The following HS6ST3 variants were observed in gnomAD, a reference collection of about 807,000 sequenced individuals.
HS6ST3 encodes heparan-sulfate 6-O-sulfotransferase 3.
In HS6ST3, 12 loss-of-function variants were observed where a neutral mutation model predicts 36.7. The observed-to-expected ratio is 0.33, with a 90% CI of 0.21 to 0.53. The LOEUF (loss-of-function observed/expected upper bound fraction) is 0.53, where lower values mean the gene tolerates loss of function less well. Among genes scored for constraint, HS6ST3 ranks in the 20% least tolerant of loss-of-function variants. The probability of loss-of-function intolerance (pLI) is 0.95; values close to 1 mark genes in which losing one functional copy is unlikely to be tolerated. For synonymous variants in HS6ST3, 240 were observed against 257.5 expected (o/e 0.93, Z 0.65); for missense variants, 584 against 640.9 (o/e 0.91, Z 0.96).
chr13:96,653,567 C>A (rs1230704974), intron 1 of HS6ST3, among the ~76,000 whole-genome samples: 2 of 152,164 alleles, frequency 1.3e-5, no homozygotes, highest in African/African-American at 2.4e-5. Context: ...GCATAGCAAT[C>A]CATGGTGTAT....
At chr13:96,530,115 T>C (rs773474326) in intron 1 of HS6ST3, among the ~76,000 whole-genome samples, 44 of 152,210 alleles carry the variant, frequency 2.9e-4, no homozygotes, top group Admixed American at 9.2e-4. Context: ...AAATCATTGC[T>C]ACTTAGAATA....
rs1875583527 is a variant in HS6ST3, at chr13:96,712,436, G to A, written c.708-120054G>A. Among the ~76,000 whole-genome samples, 3 of 152,120 alleles carry A rather than the reference G, an allele frequency of 2.0e-5. No homozygotes were observed. In the South Asian group the frequency reaches 6.2e-4, roughly 32 times the overall value. ...CATGGTGATAGAATTTGTTAGATTG[G>A]AATTTTGTATGAACACAGTGAGATC... is the stretch of plus-strand genomic sequence containing the variant. On this transcript the variant is annotated intron_variant, in intron 1 of 1. Transcript: ENST00000376705.
chr13:96,240,679 C>T (rs1451734315), intron 1 of HS6ST3, among the ~76,000 whole-genome samples: 1 of 152,114 alleles, frequency 6.6e-6, no homozygotes, highest in Non-Finnish European at 1.5e-5. Context: ...AGGAGATGAA[C>T]TAAGAAGACA....
intron 1 of HS6ST3, among the ~76,000 whole-genome samples, chr13:96,669,881 A>G (rs2056677367): frequency 6.6e-6 from 1 of 152,112 alleles, no homozygotes; most frequent in South Asian, 2.1e-4. Context: ...GGTTTTGAGG[A>G]AGAAGAGGAA....
intron 1 of HS6ST3, among the ~76,000 whole-genome samples, chr13:96,287,741 C>G (rs2054810433): frequency 6.6e-6 from 1 of 152,042 alleles, no homozygotes; most frequent in African/African-American, 2.4e-5. Context: ...TTGTATTAGT[C>G]TTCCTTCTTA....
At chr13:96,754,468 C>T (rs1422762144) in intron 1 of HS6ST3, among the ~76,000 whole-genome samples, 1 of 152,148 alleles carries the variant, frequency 6.6e-6, no homozygotes, top group Non-Finnish European at 1.5e-5. Context: ...CGCTAATTAT[C>T]CTTTCTTACA....
At chr13:96,816,971 C>T (rs1878434154) in intron 1 of HS6ST3, among the ~76,000 whole-genome samples, 1 of 152,056 alleles carries the variant, frequency 6.6e-6, no homozygotes, top group South Asian at 2.1e-4. Context: ...GAGATTCTAC[C>T]CCTATCTACT....
intron 1 of HS6ST3, among the ~76,000 whole-genome samples, chr13:96,785,492 C>T (rs765161131): frequency 2.6e-5 from 4 of 152,178 alleles, no homozygotes; most frequent in Admixed American, 6.5e-5. Flanking sequence ...AGCCATTTCA[C>T]GTGGTTCAAC....
intron 1 of HS6ST3, among the ~76,000 whole-genome samples, chr13:96,271,381 G>A (rs1034109901): frequency 5.9e-5 from 9 of 151,758 alleles, no homozygotes; most frequent in East Asian, 1.9e-4. Flanking sequence ...TTTAATGACC[G>A]GGTTGTGCAA....
intron 1 of HS6ST3, among the ~76,000 whole-genome samples, chr13:96,185,023 C>T (rs1452790833): frequency 2.0e-5 from 3 of 152,166 alleles, no homozygotes; most frequent in East Asian, 1.9e-4. Context: ...GAGTCTTAGA[C>T]ATACTACAGA....
At chr13:96,740,088 T>G (rs567084936) in intron 1 of HS6ST3, among the ~76,000 whole-genome samples, 1 of 152,252 alleles carries the variant, frequency 6.6e-6, no homozygotes, top group South Asian at 2.1e-4. Context: ...TCTGTTTGAT[T>G]TTTTCTCCAT....
At chr13:96,671,116 T>C (rs1006575265) in intron 1 of HS6ST3, among the ~76,000 whole-genome samples, 22 of 152,116 alleles carry the variant, frequency 1.4e-4, no homozygotes, top group African/African-American at 5.1e-4. Flanking sequence ...AAACCTGACC[T>C]CAAGAGAATT....
chr13:96,328,080 GC>G (rs1368881956), intron 1 of HS6ST3, among the ~76,000 whole-genome samples: 1 of 146,254 alleles, frequency 6.8e-6, no homozygotes, highest in Non-Finnish European at 1.5e-5. Context: ...GAGATTTTGG[GC>G]TGAGACAGTG....
At chr13:96,641,964 T>C (rs2056571807) in intron 1 of HS6ST3, among the ~76,000 whole-genome samples, 2 of 151,838 alleles carry the variant, frequency 1.3e-5, no homozygotes, top group Non-Finnish European at 2.9e-5. Flanking sequence ...TAAATGTACC[T>C]ATGTGGTTAG....
chr13:96,144,728 T>C (rs2054048419), intron 1 of HS6ST3, among the ~76,000 whole-genome samples: 1 of 151,436 alleles, frequency 6.6e-6, no homozygotes, highest in Non-Finnish European at 1.5e-5. Flanking sequence ...GCCATGTTGG[T>C]GTGCGCACCC....
At chr13:96,727,608 A>G (rs1876039250) in intron 1 of HS6ST3, among the ~76,000 whole-genome samples, 1 of 152,166 alleles carries the variant, frequency 6.6e-6, no homozygotes, top group African/African-American at 2.4e-5. Context: ...AAAATAAAAA[A>G]TATAAAAACT....
At position 96,090,793 on chromosome 13, in the gene HS6ST3, C is replaced by T; in HGVS notation, c.-70C>T. 3 of 1,325,778 alleles carry T rather than the reference C, an allele frequency of 2.3e-6. No individual in the cohort carries two copies. Among genetic ancestry groups the T allele is most frequent in the Admixed American group, 3.4e-5 (1 of 29,036 alleles). 82.1% of individuals were successfully genotyped at this position (1,325,778 alleles called of 1,614,324 possible). ...CCGCGCCCCGGAGTCCGCGAAACTT[C>T]CGAGCGGGCGCCCGTCCGCCCTGCC... is the stretch of plus-strand genomic sequence containing the variant. On this transcript the variant is annotated 5_prime_UTR_variant, in exon 1 of 2. Coordinates refer to ENST00000376705, the MANE Select transcript of HS6ST3 (RefSeq NM_153456.4).
intron 1 of HS6ST3, among the ~76,000 whole-genome samples, chr13:96,599,714 G>T (rs902996026): frequency 5.3e-5 from 8 of 151,942 alleles, no homozygotes; most frequent in Non-Finnish European, 1.2e-4. Context: ...GTTCCTTGAG[G>T]AGTGATGTTA....
intron 1 of HS6ST3, among the ~76,000 whole-genome samples, chr13:96,698,370 T>G (rs1875190328): frequency 6.6e-6 from 1 of 152,176 alleles, no homozygotes; most frequent in Non-Finnish European, 1.5e-5. Context: ...ACAAAGGACA[T>G]GAACTCATCA....
Sources: gnomAD v4.1 joint callset for allele counts (sites outside exome capture counted in the v4.1 genomes callset) on GRCh38, gnomAD v4.1.1 for gene constraint, MANE v1.5 for transcripts, NCBI Gene and HGNC (gene_info 2026-07-23, HGNC 2026-07-21) for gene names.